CLIC5: variants seen among roughly 807,000 people sequenced by gnomAD.
The protein encoded by CLIC5 is chloride intracellular channel protein 5.
Under a neutral mutation model 24.7 loss-of-function variants are expected in CLIC5, and 20 were observed. The ratio of observed to expected loss-of-function variants is 0.81; its 90% CI spans 0.57 to 1.18. The LOEUF is 1.18. Among genes scored for constraint, CLIC5 ranks in the 50% most tolerant of loss-of-function variants. The pLI, the probability that CLIC5 is intolerant of heterozygous loss-of-function variation, is 0.00. For missense variants in CLIC5, 341 were observed against 326.1 expected (o/e 1.05, Z -0.35); for synonymous variants, 159 against 135.6 (o/e 1.17, Z -1.20).
intron 1 of CLIC5, among the ~76,000 whole-genome samples, chr6:45,972,539 G>A (rs1463934177): frequency 6.6e-6 from 1 of 152,196 alleles, no homozygotes; most frequent in Admixed American, 6.5e-5. Context: ...TAGTTTTCTT[G>A]TTAGGAGGAA....
chr6:45,991,245 T>C (rs764040477), intron 1 of CLIC5, among the ~76,000 whole-genome samples: 9 of 152,342 alleles, frequency 5.9e-5, no homozygotes, highest in Admixed American at 1.3e-4. Context: ...TGGGTGGCCT[T>C]ACTGGGTGAA....
intron 1 of CLIC5, among the ~76,000 whole-genome samples, chr6:45,978,948 TAA>T (rs10542352): frequency 0.64 from 92,956 of 144,836 alleles, 29,674 homozygotes; most frequent in Admixed American, 0.72. Flanking sequence ...AAAACTCCAT[TAA>T]AAAAAAAAAA....
At chr6:46,043,045 A>T (rs1413150663) in intron 1 of CLIC5, among the ~76,000 whole-genome samples, 1 of 152,174 alleles carries the variant, frequency 6.6e-6, no homozygotes, top group Non-Finnish European at 1.5e-5. Context: ...AGAAGTGTGT[A>T]ATTTGCAGGG....
chr6:46,059,707 T>G (rs1286111798), intron 1 of CLIC5, among the ~76,000 whole-genome samples: 1 of 152,202 alleles, frequency 6.6e-6, no homozygotes, highest in African/African-American at 2.4e-5. Flanking sequence ...CTGCCTAGGT[T>G]TGCCCGGATT....
At chr6:45,938,823 G>A (rs1198520778) in intron 4 of CLIC5, among the ~76,000 whole-genome samples, 1 of 152,192 alleles carries the variant, frequency 6.6e-6, no homozygotes, top group East Asian at 1.9e-4. Flanking sequence ...GAAGATATTT[G>A]TGGCTAAGAG....
intron 1 of CLIC5, among the ~76,000 whole-genome samples, chr6:45,961,297 A>G (rs972216331): frequency 4.6e-5 from 7 of 152,258 alleles, no homozygotes; most frequent in Non-Finnish European, 1.0e-4. Flanking sequence ...GATAAAAATT[A>G]AGCAACAGTA....
chr6:46,051,940 A>T (rs908344707), intron 1 of CLIC5, among the ~76,000 whole-genome samples: 1 of 152,186 alleles, frequency 6.6e-6, no homozygotes, highest in African/African-American at 2.4e-5. Context: ...TCCACAAAGT[A>T]AATCTGTTAC....
intron 5 of CLIC5, among the ~76,000 whole-genome samples, chr6:45,911,256 C>T (rs958701363): frequency 1.2e-4 from 19 of 152,198 alleles, no homozygotes; most frequent in African/African-American, 3.9e-4. Flanking sequence ...TAAATTCTCT[C>T]TGTTAAAATA....
At chr6:45,913,706 C>A in intron 5 of CLIC5, 1 of 1,007,552 alleles carries the variant, frequency 9.9e-7, no homozygotes, top group Non-Finnish European at 1.3e-6. Flanking sequence ...GCAATGATAG[C>A]AAGAAAGTGA....
At chr6:46,010,378 A>C (rs895700968) in intron 1 of CLIC5, among the ~76,000 whole-genome samples, 4 of 149,604 alleles carry the variant, frequency 2.7e-5, no homozygotes, top group African/African-American at 9.9e-5. Flanking sequence ...TGGTTAAAAC[A>C]AAAAAAAAAT....
At chr6:45,912,734 T>C (rs757069999) in intron 5 of CLIC5, 4 of 1,533,500 alleles carry the variant, frequency 2.6e-6, no homozygotes, top group Non-Finnish European at 3.5e-6. Context: ...TCAGTGGTAC[T>C]TGTTCCTAAG....
the CLIC5 span, chr6:46,129,803 G>C: frequency 1.6e-4 from 25 of 152,262 alleles, no homozygotes; most frequent in Non-Finnish European, 1.5e-5. Context: ...CGTGGTGGGA[G>C]AGTGGAATCA....
At chr6:46,089,224 A>G in the CLIC5 span, among the ~76,000 whole-genome samples, 1 of 152,298 alleles carries the variant, frequency 6.6e-6, no homozygotes, top group Non-Finnish European at 1.5e-5. Context: ...ATGAAGATGA[A>G]GGGAGAATGA....
chr6:45,959,728 C>T lies in CLIC5; in HGVS notation c.64-4484G>A, dbSNP rs377557338. Among the ~76,000 whole-genome samples the T allele has an allele frequency of 9.8e-5, 15 of 152,328 alleles. No homozygotes were observed. In the East Asian group the frequency reaches 2.7e-3, roughly 27 times the overall value. On this transcript the variant is annotated intron_variant, in intron 1 of 5. Transcript: ENST00000339561. ...AAAAACTGCTTAGTGAGGGAGGCAG[C>T]TGGTTCAGCTGGCAACTCAATCATA...
chr6:46,115,958 C>T, the CLIC5 span, among the ~76,000 whole-genome samples: 6 of 152,164 alleles, frequency 3.9e-5, no homozygotes, highest in African/African-American at 1.4e-4. Context: ...TGTAAAATTA[C>T]CTGGAAATTT....
intron 1 of CLIC5, among the ~76,000 whole-genome samples, chr6:46,045,640 T>A (rs1439909246): frequency 6.6e-5 from 10 of 152,196 alleles, no homozygotes; most frequent in Non-Finnish European, 1.3e-4. Flanking sequence ...GACACGTGAA[T>A]AAGAAAGCAG....
chr6:46,109,513 T>TAAAAAAAAAAAAAAAAAAAAAAAA, the CLIC5 span, among the ~76,000 whole-genome samples: 2 of 47,166 alleles, frequency 4.2e-5, 1 homozygote, highest in African/African-American at 2.0e-4. Context: ...CAGTCTCCAC[T>TAAAAAAAAAAAAAAAAAAAAAAAA]AAAAAAAAAA....
intron 4 of CLIC5, among the ~76,000 whole-genome samples, chr6:45,922,156 G>T (rs539542923): frequency 3.9e-5 from 6 of 152,302 alleles, no homozygotes; most frequent in Non-Finnish European, 8.8e-5. Flanking sequence ...GTTCTAGAAA[G>T]AATTTCAGCC....
At chr6:45,994,482 G>T (rs1309330738) in intron 1 of CLIC5, among the ~76,000 whole-genome samples, 1 of 152,046 alleles carries the variant, frequency 6.6e-6, no homozygotes, top group Non-Finnish European at 1.5e-5. Flanking sequence ...GCACACCAGG[G>T]CATGTTGCAG....
Sources: gnomAD v4.1 joint callset for allele counts (sites outside exome capture counted in the v4.1 genomes callset) on GRCh38, gnomAD v4.1.1 for gene constraint, MANE v1.5 for transcripts, NCBI Gene and HGNC (gene_info 2026-07-23, HGNC 2026-07-21) for gene names.